AFAP1: variants seen among roughly 807,000 people sequenced by gnomAD.
AFAP1 encodes the protein actin filament-associated protein 1.
A neutral mutation model predicts 93.9 loss-of-function variants in AFAP1; 75 were observed. The ratio of observed to expected loss-of-function variants is 0.80; its 90% CI spans 0.66 to 0.97. The LOEUF (loss-of-function observed/expected upper bound fraction) is 0.97, where lower values mean the gene tolerates loss of function less well. AFAP1 is among the 50% of genes least tolerant of loss of function. The pLI is 0.00. For synonymous variants in AFAP1, 517 were observed against 430.7 expected, an observed-to-expected ratio of 1.20 and a Z score of -2.48; for missense variants, 1,201 against 1,050.8, an observed-to-expected ratio of 1.14 and a Z score of -1.98.
chr4:7,821,921 C>G (rs1721003520), intron 6 of AFAP1, among the ~76,000 whole-genome samples: 1 of 152,152 alleles, frequency 6.6e-6, no homozygotes, highest in Admixed American at 6.5e-5. Context: ...AAAGAAGAAA[C>G]CCAGAGAGCT....
intron 4 of AFAP1, among the ~76,000 whole-genome samples, chr4:7,849,131 G>A (rs1031205659): frequency 2.6e-5 from 4 of 152,250 alleles, no homozygotes; most frequent in East Asian, 1.9e-4. Context: ...GGAGCGCCAC[G>A]CAGACCCTGC....
At chr4:7,804,370 G>A (rs1050286552) in intron 9 of AFAP1, among the ~76,000 whole-genome samples, 4 of 152,186 alleles carry the variant, frequency 2.6e-5, no homozygotes, top group African/African-American at 9.7e-5. Context: ...TTATGGTAGG[G>A]TGTTACTGAA....
Position 7,843,122 on chromosome 4 carries a change from G to C in AFAP1, c.546+17C>G. 6.2e-7 allele frequency: 1 copy of C among 1,610,614 alleles called. No individual in the cohort carries two copies. Among genetic ancestry groups the C allele is most frequent in the Non-Finnish European group, 8.5e-7 (1 of 1,177,948 alleles). ...CAGCAATCTTACAAAAAATGCAAGC[G>C]ATTCCAAATGTCTTACCAGCAGTTT... On this transcript the variant is annotated intron_variant, in intron 5 of 17. Coordinates refer to ENST00000420658, the MANE Select transcript of AFAP1 (RefSeq NM_001134647.2).
chr4:7,870,418 T>G (rs1279549347), intron 2 of AFAP1, among the ~76,000 whole-genome samples: 10 of 152,188 alleles, frequency 6.6e-5, no homozygotes, highest in Admixed American at 5.9e-4. Flanking sequence ...TCAGCACTTT[T>G]GGAGGCCGAG....
At chr4:7,801,238 G>A (rs571602418) in intron 9 of AFAP1, among the ~76,000 whole-genome samples, 10 of 152,234 alleles carry the variant, frequency 6.6e-5, no homozygotes, top group African/African-American at 2.4e-4. Context: ...TCCCACCTGA[G>A]GCTGAGGACG....
chr4:7,929,334 A>C (rs915049159), intron 1 of AFAP1, among the ~76,000 whole-genome samples: 5 of 152,132 alleles, frequency 3.3e-5, no homozygotes, highest in Non-Finnish European at 7.4e-5. Flanking sequence ...AGCATCAAAA[A>C]CTACACACAG....
intron 8 of AFAP1, among the ~76,000 whole-genome samples, chr4:7,811,859 A>G (rs956915344): frequency 6.6e-6 from 1 of 152,128 alleles, no homozygotes; most frequent in Non-Finnish European, 1.5e-5. Flanking sequence ...AACGCAACAC[A>G]GTCCCAGCAT....
chr4:7,856,244 T>A (rs1429256144), intron 3 of AFAP1, among the ~76,000 whole-genome samples: 6 of 145,268 alleles, frequency 4.1e-5, no homozygotes, highest in African/African-American at 1.7e-4. Flanking sequence ...ACCAATCATG[T>A]CACAATTTTT....
At chr4:7,798,891 G>T (rs1006180977) in intron 10 of AFAP1, 6 of 988,248 alleles carry the variant, frequency 6.1e-6, no homozygotes, top group Non-Finnish European at 7.2e-6. Flanking sequence ...CTTCATTCCT[G>T]TATCTTACCC....
chr4:7,899,006 T>C (rs910057770), intron 1 of AFAP1, among the ~76,000 whole-genome samples: 1 of 137,700 alleles, frequency 7.3e-6, no homozygotes, highest in South Asian at 2.2e-4. Flanking sequence ...CAAATGTATA[T>C]ATATAAATAT....
chr4:7,845,294 C>A (rs955393093), intron 4 of AFAP1, among the ~76,000 whole-genome samples: 2 of 152,004 alleles, frequency 1.3e-5, no homozygotes, highest in Non-Finnish European at 2.9e-5. Context: ...TGGTAGGGCA[C>A]GCCTGTGGTC....
chr4:7,811,179 A>G (rs976458945), intron 8 of AFAP1, among the ~76,000 whole-genome samples: 4 of 152,170 alleles, frequency 2.6e-5, no homozygotes, highest in Non-Finnish European at 5.9e-5. Context: ...GGGGACAGAG[A>G]GATTCTCAGT....
intron 17 of AFAP1, among the ~76,000 whole-genome samples, chr4:7,765,555 G>C (rs1423060413): frequency 6.6e-6 from 1 of 152,236 alleles, no homozygotes; most frequent in Non-Finnish European, 1.5e-5. Context: ...GCTGCACAGA[G>C]GCAGAAGCCT....
Position 7,805,460 on chromosome 4 carries a change from G to T in AFAP1, c.1054+4154C>A, listed in dbSNP as rs544348246. On this transcript the variant is annotated intron_variant, in intron 9 of 17. Transcript: ENST00000420658. Reference sequence around the variant, plus strand: ...ATTTACTGTGCCTTGGATAGGTCTGGTATGCTTAGGTGATGTTTTTAAAAA... The same window carrying T: ...ATTTACTGTGCCTTGGATAGGTCTGTTATGCTTAGGTGATGTTTTTAAAAA... Among the ~76,000 whole-genome samples, 4 of 152,236 alleles carry T rather than the reference G, an allele frequency of 2.6e-5. No individual in the cohort carries two copies. In the South Asian group the frequency reaches 8.3e-4, roughly 32 times the overall value.
At chr4:7,878,038 G>A (rs1717614660) in intron 1 of AFAP1, among the ~76,000 whole-genome samples, 1 of 152,146 alleles carries the variant, frequency 6.6e-6, no homozygotes, top group South Asian at 2.1e-4. Flanking sequence ...ATGGCTGGTG[G>A]GCATGGCGTA....
At chr4:7,925,822 G>C (rs1256843548) in intron 1 of AFAP1, among the ~76,000 whole-genome samples, 1 of 147,002 alleles carries the variant, frequency 6.8e-6, no homozygotes, top group Non-Finnish European at 1.5e-5. Context: ...TCCAGCCTAG[G>C]CAATAAGAGC....
intron 6 of AFAP1, among the ~76,000 whole-genome samples, chr4:7,836,873 A>C (rs1251379446): frequency 2.0e-5 from 3 of 151,936 alleles, no homozygotes; most frequent in Non-Finnish European, 4.4e-5. Flanking sequence ...GGGTGAATTT[A>C]TGGTATGTGA....
chr4:7,920,355 T>C (rs1408326084), intron 1 of AFAP1, among the ~76,000 whole-genome samples: 3 of 152,188 alleles, frequency 2.0e-5, no homozygotes, highest in African/African-American at 7.2e-5. Flanking sequence ...ACCCATATAC[T>C]CTATCTGGAA....
chr4:7,852,327 A>T (rs1297785570), intron 4 of AFAP1, among the ~76,000 whole-genome samples: 1 of 152,202 alleles, frequency 6.6e-6, no homozygotes, highest in African/African-American at 2.4e-5. Context: ...AGGGCAAGAT[A>T]TGGCAATGGT....
Sources: allele counts gnomAD v4.1 joint callset (sites outside exome capture counted in the v4.1 genomes callset), GRCh38; gene constraint gnomAD v4.1.1; transcripts MANE v1.5; gene names NCBI Gene and HGNC (gene_info 2026-07-23, HGNC 2026-07-21).